The following ITGBL1 variants were observed in gnomAD, a reference collection of about 807,000 sequenced individuals.
ITGBL1 encodes the protein integrin subunit beta like 1.
In ITGBL1, 51 loss-of-function variants were observed where a neutral mutation model predicts 68.5. The ratio of observed to expected loss-of-function variants is 0.74; its 90% CI spans 0.59 to 0.94. ITGBL1 has a LOEUF of 0.94. Among genes scored for constraint, ITGBL1 ranks in the 40% least tolerant of loss-of-function variants. The probability of loss-of-function intolerance (pLI) is 0.00; values close to 1 mark genes in which losing one functional copy is unlikely to be tolerated. For missense variants in ITGBL1, 649 were observed against 647.4 expected (o/e 1.00, Z -0.03); for synonymous variants, 209 against 227.3 (o/e 0.92, Z 0.72).
intron 8 of ITGBL1, among the ~76,000 whole-genome samples, chr13:101,705,307 A>AC (rs1555367875): frequency 0.011 from 1,640 of 144,936 alleles, 15 homozygotes; most frequent in Non-Finnish European, 0.017. Context: ...AAAAAAAAAA[A>AC]AACAACAACA....
At position 101,650,612 on chromosome 13, in the gene ITGBL1, T is replaced by C. The variant is rs562481857; in HGVS notation, c.1016-41973T>C. Among the ~76,000 whole-genome samples the C allele has an allele frequency of 3.3e-4, 48 of 146,690 alleles. No individual in the cohort carries two copies. The South Asian group carries it at 4.8e-3, about 15-fold the overall frequency. On this transcript the variant is annotated intron_variant, in intron 7 of 10. Transcript: ENST00000376180. ...CCCCATCTGCTGGCCAGGTGACTTC[T>C]TTTTTTTCTTTTTTTTTTTTTTTAG... is the stretch of plus-strand genomic sequence containing the variant.
intron 3 of ITGBL1, 67 bp from the exon 4 acceptor site, chr13:101,575,357 A>G (rs1457627706): frequency 7.0e-7 from 1 of 1,422,586 alleles, no homozygotes; most frequent in Non-Finnish European, 9.8e-7. Flanking sequence ...GAGAGATGGT[A>G]TAAAAATTCA....
chr13:101,667,320 A>G (rs2033245192), intron 7 of ITGBL1, among the ~76,000 whole-genome samples: 1 of 152,122 alleles, frequency 6.6e-6, no homozygotes, highest in Non-Finnish European at 1.5e-5. Flanking sequence ...TGCCTATTTG[A>G]ATATACTGAC....
intron 2 of ITGBL1, among the ~76,000 whole-genome samples, chr13:101,465,022 T>C (rs192585086): frequency 1.6e-3 from 244 of 152,316 alleles, no homozygotes; most frequent in African/African-American, 5.4e-3. Context: ...ATGAAAACAA[T>C]GACGTATCAT....
intron 3 of ITGBL1, among the ~76,000 whole-genome samples, chr13:101,570,168 C>G (rs967541933): frequency 1.3e-4 from 20 of 152,092 alleles, no homozygotes; most frequent in Non-Finnish European, 2.6e-4. Context: ...TATTATCAGT[C>G]TAGAAGCACA....
intron 2 of ITGBL1, among the ~76,000 whole-genome samples, chr13:101,510,055 T>G (rs2049090682): frequency 6.6e-6 from 1 of 152,148 alleles, no homozygotes; most frequent in Non-Finnish European, 1.5e-5. Flanking sequence ...TCAGCTTTTA[T>G]TTTAGATATA....
intron 2 of ITGBL1, among the ~76,000 whole-genome samples, chr13:101,560,183 T>C (rs1183565932): frequency 6.6e-6 from 1 of 152,210 alleles, no homozygotes; most frequent in East Asian, 1.9e-4. Flanking sequence ...TGTTTTTTTG[T>C]TTCTTATTAC....
chr13:101,639,823 A>G (rs2032303477), intron 7 of ITGBL1, among the ~76,000 whole-genome samples: 1 of 152,210 alleles, frequency 6.6e-6, no homozygotes, highest in Non-Finnish European at 1.5e-5. Flanking sequence ...TCCAATTATC[A>G]GAATAGCACT....
intron 7 of ITGBL1, among the ~76,000 whole-genome samples, chr13:101,680,034 C>T (rs1277245021): frequency 2.0e-5 from 3 of 152,150 alleles, no homozygotes; most frequent in Admixed American, 2.0e-4. Flanking sequence ...TCTTGGCTAA[C>T]GATTGATCTG....
chr13:101,483,357 G>T (rs2048654663), intron 2 of ITGBL1, among the ~76,000 whole-genome samples: 1 of 152,160 alleles, frequency 6.6e-6, no homozygotes, highest in South Asian at 2.1e-4. Context: ...TGGGGGCATT[G>T]CCACAAGAAG....
intron 7 of ITGBL1, among the ~76,000 whole-genome samples, chr13:101,600,337 G>A (rs2139331396): frequency 6.6e-6 from 1 of 152,264 alleles, no homozygotes; most frequent in Non-Finnish European, 1.5e-5. Flanking sequence ...GAGATTTTGG[G>A]CTGAGACAAT....
At chr13:101,706,704 T>G in intron 8 of ITGBL1, 52 bp from the exon 9 acceptor site, 1 of 1,569,942 alleles carries the variant, frequency 6.4e-7, no homozygotes, top group African/African-American at 1.4e-5. Context: ...ACTCTCTGCT[T>G]CAGCTGGTTA....
intron 2 of ITGBL1, among the ~76,000 whole-genome samples, chr13:101,470,316 T>C: frequency 6.6e-6 from 1 of 152,142 alleles, no homozygotes; most frequent in East Asian, 1.9e-4. Flanking sequence ...TACTATTTTA[T>C]TCCTTTTTTA....
chr13:101,709,419 G>A (rs1258432707), intron 9 of ITGBL1, among the ~76,000 whole-genome samples: 2 of 150,290 alleles, frequency 1.3e-5, no homozygotes, highest in African/African-American at 4.9e-5. Context: ...AAAGGAGGCA[G>A]GGATGGAATT....
At position 101,580,818 on chromosome 13, in the gene ITGBL1, A is replaced by G. The variant is rs114197901; in HGVS notation, c.727+1391A>G. On this transcript the variant is annotated intron_variant, in intron 5 of 10. Transcript: ENST00000376180. Reference sequence around the variant, plus strand: ...AGGTCAGGTTCTGCAGCAGAGTTACATTGGCTGTGAGAGACGATGTCCTTC... The same window carrying G: ...AGGTCAGGTTCTGCAGCAGAGTTACGTTGGCTGTGAGAGACGATGTCCTTC... Among the ~76,000 whole-genome samples the G allele has an allele frequency of 2.0e-3, 307 of 152,270 alleles. 1 individual carries two copies. Among genetic ancestry groups the G allele is most frequent in the African/African-American group, 6.6e-3 (274 of 41,562 alleles).
rs904482710 is a variant in ITGBL1, at chr13:101,598,364, A to T, written c.1015+65A>T. 1.9e-5 allele frequency: 23 copies of T among 1,228,592 alleles called. 1 individual carries two copies. The African/African-American group carries it at 3.4e-4, about 18-fold the overall frequency. The allele number at this position is 1,228,592 out of a possible 1,614,324, so 76.1% of individuals were successfully genotyped here. A position where few individuals can be genotyped will look rare whatever the true frequency, so the allele number is the denominator to read the frequency against. On this transcript the variant is annotated intron_variant, in intron 7 of 10. Coordinates refer to ENST00000376180, the MANE Select transcript of ITGBL1 (RefSeq NM_004791.3). ...CACAATTCAAATGAATTCAATGCAC[A>T]CACATCTTTTTGTTTGTTTGTTTGT...
rs557673520 is a variant in ITGBL1, at chr13:101,689,396, T to C, written c.1016-3189T>C. 2.0e-5 allele frequency among the ~76,000 whole-genome samples: 3 copies of C among 151,814 alleles called. No individual in the cohort carries two copies. The South Asian group carries it at 6.3e-4, about 32-fold the overall frequency. On this transcript the variant is annotated intron_variant, in intron 7 of 10. Transcript: ENST00000376180. ...ATGATAATGACTGAAACAAAATTGG[T>C]AGTGATTTGTGGTAGTGGCTAAATA... is the stretch of plus-strand genomic sequence containing the variant.
intron 2 of ITGBL1, among the ~76,000 whole-genome samples, chr13:101,535,340 C>G (rs891292670): frequency 6.6e-6 from 1 of 152,110 alleles, no homozygotes; most frequent in African/African-American, 2.4e-5. Context: ...GCTTCACCCA[C>G]TCTTTCAGAG....
At chr13:101,625,546 T>C (rs764790013) in intron 7 of ITGBL1, among the ~76,000 whole-genome samples, 2 of 116,514 alleles carry the variant, frequency 1.7e-5, no homozygotes, top group Non-Finnish European at 3.5e-5. Flanking sequence ...TTTCTAATAA[T>C]AGTAATGGCT....
Sources: gnomAD v4.1 joint callset for allele counts (sites outside exome capture counted in the v4.1 genomes callset) on GRCh38, gnomAD v4.1.1 for gene constraint, MANE v1.5 for transcripts, NCBI Gene and HGNC (gene_info 2026-07-23, HGNC 2026-07-21) for gene names.